SHISA9: variants seen among roughly 807,000 people sequenced by gnomAD.
The protein encoded by SHISA9 is shisa family member 9.
SHISA9 carries 13 observed loss-of-function variants against 38.0 expected under a neutral mutation model. The ratio of observed to expected loss-of-function variants is 0.34; its 90% CI spans 0.22 to 0.54. The LOEUF is 0.54. SHISA9 is among the 20% of genes least tolerant of loss of function. The pLI is 0.91. For synonymous variants in SHISA9, 275 were observed against 242.0 expected (o/e 1.14, Z -1.27); for missense variants, 538 against 575.8 (o/e 0.93, Z 0.67).
chr16:13,367,730 A>G, the SHISA9 span, among the ~76,000 whole-genome samples: 15 of 145,526 alleles, frequency 1.0e-4, no homozygotes, highest in South Asian at 4.4e-4. Flanking sequence ...ACACACACAC[A>G]CACACACACA....
chr16:13,328,675 G>T, the SHISA9 span, among the ~76,000 whole-genome samples: 2 of 151,104 alleles, frequency 1.3e-5, no homozygotes, highest in Admixed American at 6.6e-5. Flanking sequence ...ATTTTGCCAC[G>T]TTGGCCAGGC....
At chr16:13,201,352 T>C (rs572896410) in intron 2 of SHISA9, among the ~76,000 whole-genome samples, 2 of 136,350 alleles carry the variant, frequency 1.5e-5, no homozygotes, top group East Asian at 4.0e-4. Context: ...CATCTCTAGA[T>C]TACTTATAAT....
the SHISA9 span, among the ~76,000 whole-genome samples, chr16:13,470,495 C>T: frequency 6.6e-6 from 1 of 152,162 alleles, no homozygotes; most frequent in East Asian, 1.9e-4. Context: ...AAAGGCACAT[C>T]TTACATGGCA....
the SHISA9 span, among the ~76,000 whole-genome samples, chr16:13,550,939 C>T: frequency 1.4e-4 from 22 of 152,170 alleles, no homozygotes; most frequent in African/African-American, 2.2e-4. Context: ...CTGGCCAACA[C>T]AGTGAAACCG....
At position 13,190,572 on chromosome 16, in the gene SHISA9, G is replaced by A. The variant is rs190608200; in HGVS notation, c.692-12822G>A. Among the ~76,000 whole-genome samples the A allele has an allele frequency of 1.2e-3, 183 of 152,276 alleles. 3 individuals carry two copies. Among genetic ancestry groups the A allele is most frequent in the Non-Finnish European group, 1.5e-4 (10 of 68,020 alleles). On this transcript the variant is annotated intron_variant, in intron 2 of 4. Transcript: ENST00000558583. ...ACTGGATTAGGTGGCCCTCTCTTGT[G>A]CTTGCGCGGGAACCTCTGTTTTGCT...
the SHISA9 span, among the ~76,000 whole-genome samples, chr16:13,469,415 A>T: frequency 8.2e-6 from 1 of 122,522 alleles, no homozygotes; most frequent in Non-Finnish European, 1.8e-5. Flanking sequence ...GAAAGAAAGA[A>T]AGAAAGAAAA....
the SHISA9 span, among the ~76,000 whole-genome samples, chr16:13,367,662 A>C: frequency 7.1e-6 from 1 of 140,896 alleles, no homozygotes; most frequent in African/African-American, 2.7e-5. Context: ...GCGGGGGGGA[A>C]TGAAGATGTT....
intron 2 of SHISA9, among the ~76,000 whole-genome samples, chr16:12,919,909 T>G (rs2071305911): frequency 6.6e-6 from 1 of 152,232 alleles, no homozygotes; most frequent in African/African-American, 2.4e-5. Context: ...GCTCCTCAGC[T>G]TCTGTATAAT....
At chr16:12,995,529 G>A (rs1363413916) in intron 2 of SHISA9, among the ~76,000 whole-genome samples, 2 of 152,158 alleles carry the variant, frequency 1.3e-5, no homozygotes, top group African/African-American at 4.8e-5. Context: ...ATGGGCCTAA[G>A]GAGGGATGTC....
At chr16:13,086,369 A>AAAAAAAG (rs1232130120) in intron 2 of SHISA9, among the ~76,000 whole-genome samples, 1 of 151,402 alleles carries the variant, frequency 6.6e-6, no homozygotes, top group Non-Finnish European at 1.5e-5. Context: ...AAAAAAAAAA[A>AAAAAAAG]AAAAAAGAAG....
the SHISA9 span, among the ~76,000 whole-genome samples, chr16:13,254,835 G>A: frequency 1.3e-5 from 2 of 152,152 alleles, no homozygotes; most frequent in African/African-American, 4.8e-5. Context: ...TAAGTGCCAG[G>A]AGCCTTGTTG....
chr16:13,209,271 G>A (rs1215128785), intron 3 of SHISA9, among the ~76,000 whole-genome samples: 1 of 152,100 alleles, frequency 6.6e-6, no homozygotes, highest in Non-Finnish European at 1.5e-5. Flanking sequence ...GGATTAACAT[G>A]CAATTGCCCA....
chr16:13,366,656 A>G, the SHISA9 span, among the ~76,000 whole-genome samples: 1 of 151,986 alleles, frequency 6.6e-6, no homozygotes, highest in Non-Finnish European at 1.5e-5. Context: ...CAGCCTGGAG[A>G]ACATAGTGAG....
chr16:12,959,421 A>G (rs973270519), intron 2 of SHISA9, among the ~76,000 whole-genome samples: 9 of 152,186 alleles, frequency 5.9e-5, no homozygotes, highest in African/African-American at 2.2e-4. Context: ...AAAGCTAGGG[A>G]AGGCTATGAC....
At chr16:12,906,639 G>GT (rs1284943433) in intron 1 of SHISA9, among the ~76,000 whole-genome samples, 1 of 152,252 alleles carries the variant, frequency 6.6e-6, no homozygotes, top group Non-Finnish European at 1.5e-5. Flanking sequence ...CTACTTAGGT[G>GT]TTTTTATTTT....
intron 2 of SHISA9, among the ~76,000 whole-genome samples, chr16:13,005,891 C>T (rs534813184): frequency 2.6e-5 from 4 of 152,244 alleles, no homozygotes; most frequent in South Asian, 4.2e-4. Flanking sequence ...TGCCACATGG[C>T]GGTTCTTGGG....
chr16:13,418,916 A>G, the SHISA9 span, among the ~76,000 whole-genome samples: 1 of 152,234 alleles, frequency 6.6e-6, no homozygotes, highest in Non-Finnish European at 1.5e-5. Flanking sequence ...ACCACAGCTA[A>G]TAGCCTGATT....
chr16:13,122,094 A>G (rs1346568735), intron 2 of SHISA9, among the ~76,000 whole-genome samples: 1 of 152,188 alleles, frequency 6.6e-6, no homozygotes, highest in African/African-American at 2.4e-5. Context: ...TCCATTGAGT[A>G]CTGGTCGGGG....
the SHISA9 span, among the ~76,000 whole-genome samples, chr16:13,258,695 G>A: frequency 6.6e-6 from 1 of 152,154 alleles, no homozygotes; most frequent in African/African-American, 2.4e-5. Flanking sequence ...CATGGTGGTA[G>A]CAAGAGAAAA....
Sources: allele counts gnomAD v4.1 joint callset (sites outside exome capture counted in the v4.1 genomes callset), GRCh38; gene constraint gnomAD v4.1.1; transcripts MANE v1.5; gene names NCBI Gene and HGNC (gene_info 2026-07-23, HGNC 2026-07-21).